Variants in ADGRL2 observed in about 807,000 individuals in gnomAD.
ADGRL2 encodes the protein adhesion G protein-coupled receptor L2.
ADGRL2 carries 44 observed loss-of-function variants against 157.4 expected under a neutral mutation model. That is an observed-to-expected ratio of 0.28 (90% CI 0.22 to 0.36). The LOEUF (loss-of-function observed/expected upper bound fraction) is 0.36. Ranked by LOEUF, ADGRL2 falls within the 10% of genes least tolerant of loss-of-function variation. The pLI, the probability that ADGRL2 is intolerant of heterozygous loss-of-function variation, is 1.00. For missense variants in ADGRL2, 1,510 were observed against 1,768.9 expected (o/e 0.85, Z 2.63); for synonymous variants, 585 against 624.7 (o/e 0.94, Z 0.95).
intron 3 of ADGRL2, chr1:81,586,010 T>C (rs1326098458): frequency 6.6e-6 from 1 of 152,026 alleles, no homozygotes; most frequent in Non-Finnish European, 1.5e-5. Context: ...GGTCAGGATA[T>C]AATAAATATA....
chr1:81,781,681 T>C (rs537012091), intron 2 of ADGRL2, among the ~76,000 whole-genome samples: 1 of 152,304 alleles, frequency 6.6e-6, no homozygotes, highest in Non-Finnish European at 1.5e-5. Context: ...ATATAGAACT[T>C]GGATCCAGGT....
At chr1:81,452,517 T>C (rs1466286568) in intron 2 of ADGRL2, among the ~76,000 whole-genome samples, 1 of 152,148 alleles carries the variant, frequency 6.6e-6, no homozygotes, top group Non-Finnish European at 1.5e-5. Flanking sequence ...ATTCAACATA[T>C]GAAAACCCAT....
chr1:81,873,066 AT>A, intron 2 of ADGRL2, among the ~76,000 whole-genome samples: 1 of 152,246 alleles, frequency 6.6e-6, no homozygotes, highest in East Asian at 1.9e-4. Context: ...TAAAGCTCAC[AT>A]TTGTTTTTAA....
intron 2 of ADGRL2, among the ~76,000 whole-genome samples, chr1:81,522,445 T>C (rs1258403421): frequency 6.6e-6 from 1 of 152,200 alleles, no homozygotes; most frequent in Middle Eastern, 3.2e-3. Flanking sequence ...ATTATAAATA[T>C]AACATGTCAG....
intron 2 of ADGRL2, among the ~76,000 whole-genome samples, chr1:81,867,793 G>A (rs1397737299): frequency 6.6e-6 from 1 of 152,008 alleles, no homozygotes; most frequent in Non-Finnish European, 1.5e-5. Flanking sequence ...GAATAATCAG[G>A]AGTTAACTTA....
At chr1:81,900,005 C>G (rs2094458885) in intron 2 of ADGRL2, among the ~76,000 whole-genome samples, 1 of 152,046 alleles carries the variant, frequency 6.6e-6, no homozygotes, top group Admixed American at 6.6e-5. Flanking sequence ...GAACATGAAC[C>G]CAGGAGCTGA....
At chr1:81,355,160 G>T (rs189811585) in intron 1 of ADGRL2, among the ~76,000 whole-genome samples, 210 of 152,140 alleles carry the variant, frequency 1.4e-3, no homozygotes, top group African/African-American at 4.9e-3. Flanking sequence ...ACTCCAGCCT[G>T]GCCAAAATGG....
intron 2 of ADGRL2, among the ~76,000 whole-genome samples, chr1:81,793,188 A>G (rs2087431601): frequency 6.6e-6 from 1 of 152,144 alleles, no homozygotes; most frequent in African/African-American, 2.4e-5. Flanking sequence ...ATAATTAAAA[A>G]CAAGAAAATC....
chr1:81,510,201 C>T (rs1427784925), intron 2 of ADGRL2, among the ~76,000 whole-genome samples: 1 of 152,066 alleles, frequency 6.6e-6, no homozygotes, highest in African/African-American at 2.4e-5. Context: ...TTATTACTTA[C>T]AGAGCTAGCT....
At chr1:81,654,437 C>G (rs17106872) in intron 3 of ADGRL2, among the ~76,000 whole-genome samples, 1 of 152,006 alleles carries the variant, frequency 6.6e-6, no homozygotes, top group East Asian at 1.9e-4. Flanking sequence ...ATGACTGTTG[C>G]GGTGAAGGTC....
At chr1:81,469,526 C>T (rs2078127132) in intron 2 of ADGRL2, among the ~76,000 whole-genome samples, 1 of 152,152 alleles carries the variant, frequency 6.6e-6, no homozygotes, top group Admixed American at 6.5e-5. Flanking sequence ...GTTTTCAGCT[C>T]TTATTCAATT....
intron 3 of ADGRL2, among the ~76,000 whole-genome samples, chr1:81,908,163 T>G (rs1178559471): frequency 6.6e-6 from 1 of 152,212 alleles, no homozygotes; most frequent in Non-Finnish European, 1.5e-5. Context: ...AGTCTAAGTG[T>G]GTAGTAGGCT....
chr1:81,672,220 TGG>T (rs959387015), intron 3 of ADGRL2, among the ~76,000 whole-genome samples: 2 of 152,222 alleles, frequency 1.3e-5, no homozygotes, highest in African/African-American at 4.8e-5. Flanking sequence ...TTAGAGCCAA[TGG>T]AAGACTAAAT....
At chr1:81,966,859 T>G (rs998749625) in intron 13 of ADGRL2, among the ~76,000 whole-genome samples, 2 of 152,210 alleles carry the variant, frequency 1.3e-5, no homozygotes, top group African/African-American at 4.8e-5. Flanking sequence ...TGAAAGCTAA[T>G]TCAGTAATCA....
At chr1:81,373,194 G>T (rs747658931) in intron 1 of ADGRL2, among the ~76,000 whole-genome samples, 53 of 152,218 alleles carry the variant, frequency 3.5e-4, no homozygotes, top group Non-Finnish European at 6.3e-4. Flanking sequence ...AATAAATGTT[G>T]ATAACATTGA....
chr1:81,907,668 G>T (rs2094612328), intron 3 of ADGRL2, among the ~76,000 whole-genome samples: 1 of 151,682 alleles, frequency 6.6e-6, no homozygotes. Flanking sequence ...TTAAAATCAA[G>T]TAGAAAGTAC....
At chr1:81,357,425 C>T (rs1299467867) in intron 1 of ADGRL2, among the ~76,000 whole-genome samples, 5 of 152,130 alleles carry the variant, frequency 3.3e-5, no homozygotes, top group African/African-American at 1.2e-4. Context: ...CCCTCTATAT[C>T]CACTAAAGTC....
At chr1:81,690,964 G>T (rs1318248725) in intron 3 of ADGRL2, among the ~76,000 whole-genome samples, 1 of 152,204 alleles carries the variant, frequency 6.6e-6, no homozygotes, top group Non-Finnish European at 1.5e-5. Flanking sequence ...AAGAAGACCT[G>T]GTTGTTCTGG....
In ADGRL2 at chr1:81,825,955, G is replaced by A. The variant is rs553286204; in HGVS notation, c.-100-10930G>A. Among the ~76,000 whole-genome samples, 3 of 152,242 alleles carry A rather than the reference G, an allele frequency of 2.0e-5. No homozygotes were observed. In the East Asian group the frequency reaches 5.8e-4, roughly 29 times the overall value. ...TCAGAAAGAAAGATGTTAGGACAGA[G>A]GGATTGAAAGCAATGGGAAGAGGAT... On this transcript the variant is annotated intron_variant, in intron 1 of 23. Coordinates refer to ENST00000686636, the MANE Select transcript of ADGRL2 (RefSeq NM_001366006.2).
Sources: gnomAD v4.1 joint callset for allele counts (sites outside exome capture counted in the v4.1 genomes callset) on GRCh38, gnomAD v4.1.1 for gene constraint, MANE v1.5 for transcripts, NCBI Gene and HGNC (gene_info 2026-07-23, HGNC 2026-07-21) for gene names.